ZNF469: variants seen among roughly 807,000 people sequenced by gnomAD.
The protein encoded by ZNF469 is zinc finger protein 469.
A neutral mutation model predicts 1.0 loss-of-function variants in ZNF469; 1 was observed. The ratio of observed to expected loss-of-function variants is 1.00; its 90% CI spans 0.35 to 4.73. The LOEUF (loss-of-function observed/expected upper bound fraction) is 4.73, where lower values mean the gene tolerates loss of function less well. Ranked by LOEUF, ZNF469 falls within the 30% of genes most tolerant of loss-of-function variation. The pLI is 0.16. For synonymous variants in ZNF469, 2,703 were observed against 2,363.4 expected (o/e 1.14, Z -4.17); for missense variants, 6,100 against 5,356.3 (o/e 1.14, Z -4.33).
At chr16:88,180,315 A>AG in the ZNF469 span, among the ~76,000 whole-genome samples, 3 of 152,196 alleles carry the variant, frequency 2.0e-5, no homozygotes, top group Admixed American at 6.5e-5. Flanking sequence ...CAAAAGAAAA[A>AG]AAAAATAACA....
At chr16:88,245,411 C>G in the ZNF469 span, among the ~76,000 whole-genome samples, 139 of 152,368 alleles carry the variant, frequency 9.1e-4, no homozygotes, top group African/African-American at 3.2e-3. Context: ...GGCTCTTGGC[C>G]TCTCCCTCCT....
At position 88,437,744 on chromosome 16, in the gene ZNF469, A is replaced by T. The variant is rs959340526; in HGVS notation, c.10274A>T (p.Tyr3425Phe). The T allele has an allele frequency of 3.2e-5, 49 of 1,549,594 alleles. No individual in the cohort carries two copies. The highest frequency in any genetic ancestry group is 2.3e-5 in the Non-Finnish European group (26 of 1,146,598). ...KKSFACSSCN[Y>F]TFAKKEQFDR... Reference sequence around the variant, plus strand: ...TCCTTCGCCTGCAGCTCCTGCAACTACACCTTCGCCAAGAAGGAGCAGTTC... The same window carrying T: ...TCCTTCGCCTGCAGCTCCTGCAACTTCACCTTCGCCAAGAAGGAGCAGTTC... Residue 3425 changes from tyrosine to phenylalanine, a missense_variant, in exon 3 of 3, where the codon TAC (tyrosine) becomes TTC (phenylalanine). Coordinates refer to ENST00000565624, the MANE Select transcript of ZNF469 (RefSeq NM_001367624.2).
At chr16:88,383,279 C>A (rs953408641) in intron 1 of ZNF469, among the ~76,000 whole-genome samples, 25 bp downstream of exon 1, 3 of 147,198 alleles carry the variant, frequency 2.0e-5, no homozygotes, top group Admixed American at 1.3e-4. Flanking sequence ...GCCGCCTGGG[C>A]GCGCGCGGTG....
In ZNF469 at chr16:88,436,242, C is replaced by T. The variant is rs1380615187; in HGVS notation, c.8772C>T (p.Asp2924=). The change falls in exon 3 of 3, where the codon GAC becomes GAT. Residue 2924 remains aspartate, a synonymous_variant. Transcript: ENST00000565624. ...DSSSLCLCHE[D]PWEDEDPAGL... ...GCTCCCTCTGCCTCTGCCATGAGGA[C>T]CCGTGGGAGGACGAGGATCCCGCAG... 3 of 1,549,632 alleles carry T rather than the reference C, an allele frequency of 1.9e-6. No homozygotes were observed. In the Admixed American group the frequency reaches 5.9e-5, roughly 30 times the overall value.
the ZNF469 span, among the ~76,000 whole-genome samples, chr16:88,219,154 G>A: frequency 1.4e-5 from 2 of 147,908 alleles, no homozygotes; most frequent in Non-Finnish European, 3.0e-5. Context: ...CCATGCTCAT[G>A]GGTAGGAAGA....
chr16:88,200,906 A>T, the ZNF469 span, among the ~76,000 whole-genome samples: 1 of 152,222 alleles, frequency 6.6e-6, no homozygotes, highest in Admixed American at 6.5e-5. Flanking sequence ...CTCCCGCCAC[A>T]GGAGACTGGA....
the ZNF469 span, among the ~76,000 whole-genome samples, chr16:88,187,915 G>T: frequency 6.6e-6 from 1 of 151,940 alleles, no homozygotes. Flanking sequence ...TCCCCAGCAG[G>T]GTCTCAGGAA....
the ZNF469 span, chr16:88,302,440 C>T: frequency 6.6e-6 from 1 of 152,210 alleles, no homozygotes; most frequent in South Asian, 2.1e-4. Flanking sequence ...TCCTTTGGCC[C>T]GGAAGCGCGG....
At chr16:88,242,037 C>T in the ZNF469 span, among the ~76,000 whole-genome samples, 1 of 152,206 alleles carries the variant, frequency 6.6e-6, no homozygotes, top group Non-Finnish European at 1.5e-5. Context: ...AAAGGCTGAG[C>T]AAGGAGCTCA....
chr16:88,203,020 C>G, the ZNF469 span, among the ~76,000 whole-genome samples: 4 of 152,110 alleles, frequency 2.6e-5, no homozygotes, highest in African/African-American at 9.7e-5. Context: ...CAGTCACAAC[C>G]GTAGGGAGAG....
chr16:88,212,384 C>T, the ZNF469 span, among the ~76,000 whole-genome samples: 1 of 152,134 alleles, frequency 6.6e-6, no homozygotes, highest in Admixed American at 6.6e-5. Flanking sequence ...ACCACTTTAT[C>T]TTTGACACTC....
chr16:88,131,898 G>T, the ZNF469 span, among the ~76,000 whole-genome samples: 2,554 of 151,950 alleles, frequency 0.017, no homozygotes, highest in African/African-American at 0.059. Context: ...ACCTGCCCGC[G>T]CCCACCTGCC....
rs1470542242 is a variant in ZNF469 at position 88,432,080 on chromosome 16, GCGC to G, written c.4615_4617del (p.Ala1539del). 1 of 1,550,512 alleles carries G rather than the reference GCGC, an allele frequency of 6.4e-7. No homozygotes were observed. The highest frequency in any genetic ancestry group is 1.4e-5 in the African/African-American group (1 of 73,166). ...CCCCCTGAACGGACAGTGGTTCCCG[GCGC>G]CGCCCCATCTTTGCCTGGGAAGGGG... On this transcript the variant is annotated inframe_deletion, in exon 3 of 3. Coordinates refer to ENST00000565624, the MANE Select transcript of ZNF469 (RefSeq NM_001367624.2).
At chr16:88,149,585 C>G in the ZNF469 span, among the ~76,000 whole-genome samples, 1 of 152,174 alleles carries the variant, frequency 6.6e-6, no homozygotes, top group African/African-American at 2.4e-5. Context: ...GTCTTGCACT[C>G]AGTCCAAAAG....
chr16:88,334,420 C>G, the ZNF469 span, among the ~76,000 whole-genome samples: 6 of 152,194 alleles, frequency 3.9e-5, no homozygotes, highest in Admixed American at 2.0e-4. Context: ...GCATCCCTGA[C>G]CCAGCATCTG....
the ZNF469 span, among the ~76,000 whole-genome samples, chr16:88,364,627 G>T: frequency 4.6e-5 from 7 of 151,960 alleles, no homozygotes; most frequent in African/African-American, 1.7e-4. Context: ...CACTTATTTA[G>T]GTCTTAATTT....
chr16:88,297,157 G>A, the ZNF469 span, among the ~76,000 whole-genome samples: 4 of 152,208 alleles, frequency 2.6e-5, no homozygotes, highest in African/African-American at 7.2e-5. Flanking sequence ...CCTGCATTCC[G>A]TCCAGCCCAG....
chr16:88,335,664 G>A, the ZNF469 span, among the ~76,000 whole-genome samples: 1 of 152,242 alleles, frequency 6.6e-6, no homozygotes, highest in Non-Finnish European at 1.5e-5. Flanking sequence ...CTCCTGATGG[G>A]AGGAGAAATG....
At chr16:88,243,373 G>A in the ZNF469 span, among the ~76,000 whole-genome samples, 1 of 152,176 alleles carries the variant, frequency 6.6e-6, no homozygotes, top group South Asian at 2.1e-4. Flanking sequence ...AGAGGGTTCT[G>A]GCCACAGTTG....
Sources: gnomAD v4.1 joint callset for allele counts (sites outside exome capture counted in the v4.1 genomes callset) on GRCh38, gnomAD v4.1.1 for gene constraint, MANE v1.5 for transcripts, NCBI Gene and HGNC (gene_info 2026-07-23, HGNC 2026-07-21) for gene names.